EML5: variants seen among roughly 807,000 people sequenced by gnomAD.
EML5 encodes the protein echinoderm microtubule-associated protein-like 5.
Under a neutral mutation model 250.0 loss-of-function variants are expected in EML5, and 120 were observed. That is an observed-to-expected ratio of 0.48 (90% confidence interval 0.41 to 0.56). The LOEUF is 0.56. Ranked by LOEUF, EML5 falls within the 20% of genes least tolerant of loss-of-function variation. The pLI is 0.00. For synonymous variants in EML5, 771 were observed against 806.5 expected (o/e 0.96, Z 0.75); for missense variants, 2,006 against 2,437.6 (o/e 0.82, Z 3.73).
In EML5 at chr14:88,654,328, A is replaced by G. The variant is rs149451907; in HGVS notation, c.4004+3048T>C. ...TTTCTTGTCTTCTACTAGCTTTTGA[A>G]TTTGTTTGCTCTTGCTTCTCTAGTT... On this transcript the variant is annotated intron_variant, in intron 27 of 43. Transcript: ENST00000554922. 2.9e-3 allele frequency among the ~76,000 whole-genome samples: 446 copies of G among 151,980 alleles called. 3 individuals are homozygous for G. The highest frequency in any genetic ancestry group is 0.01 in the African/African-American group (432 of 41,452).
Position 88,625,146 on chromosome 14 carries a change from G to C in EML5, c.4741-19C>G. 6.2e-7 allele frequency: 1 copy of C among 1,611,992 alleles called. No homozygotes were observed. Among genetic ancestry groups the C allele is most frequent in the South Asian group, 1.1e-5 (1 of 90,692 alleles). On this transcript the variant is annotated intron_variant, in intron 35 of 43. Coordinates refer to ENST00000554922, the MANE Select transcript of EML5 (RefSeq NM_183387.3). ...AGTTATTCTGAAAAGGAGTGGGGGA[G>C]GGGGAGACAAACTCATCAAAAGTTC...
Position 88,620,669 on chromosome 14 carries a change from T to G in EML5, c.5375+85A>C. ...AATGCTACAGGCCCTGGGGACCTCT[T>G]TTTGAAGGCAAGGCTATGGAAAATT... On this transcript the variant is annotated intron_variant, in intron 39 of 43. Transcript: ENST00000554922. The surrounding 1 kb of genome is among the most constrained non-coding windows in gnomAD (Gnocchi z 4.3). 1 of 1,246,910 alleles carries G rather than the reference T, an allele frequency of 8.0e-7. No homozygotes were observed. The allele number at this position is 1,246,910 out of a possible 1,614,324, so 77.2% of individuals were successfully genotyped here. A position where few individuals can be genotyped will look rare whatever the true frequency, so the allele number is the denominator to read the frequency against.
intron 1 of EML5, among the ~76,000 whole-genome samples, chr14:88,763,452 CAGGAAGA>C (rs925414068): frequency 6.6e-6 from 1 of 151,922 alleles, no homozygotes; most frequent in Non-Finnish European, 1.5e-5. Flanking sequence ...AAGACTAAAC[CAGGAAGA>C]AGTCGAATCC....
intron 21 of EML5, among the ~76,000 whole-genome samples, chr14:88,678,450 A>C (rs1450036731): frequency 6.6e-6 from 1 of 152,116 alleles, no homozygotes; most frequent in African/African-American, 2.4e-5. Context: ...AATAACATAA[A>C]ATAAAAAAAA....
At chr14:88,664,656 C>T in intron 22 of EML5, 32 bp from the exon 23 acceptor site, 1 of 1,591,606 alleles carries the variant, frequency 6.3e-7, no homozygotes. Context: ...TTGACATTTT[C>T]TATCTTTGGA....
At chr14:88,694,453 C>A in intron 16 of EML5, 46 bp from the exon 17 acceptor site, 1 of 1,290,772 alleles carries the variant, frequency 7.7e-7, no homozygotes, top group East Asian at 2.5e-5. Context: ...TTCATCATTC[C>A]TGTATTAATC....
chr14:88,625,290 G>GCTTTGTCA (rs2089752125), intron 35 of EML5, 163 bp from the exon 36 acceptor site: 3 of 722,084 alleles, frequency 4.2e-6, no homozygotes, highest in Non-Finnish European at 6.5e-6. Flanking sequence ...AAACCTGAAC[G>GCTTTGTCA]GGAGGCTTAG....
chr14:88,731,861 T>G (rs1388383771), intron 7 of EML5, among the ~76,000 whole-genome samples: 5 of 152,356 alleles, frequency 3.3e-5, no homozygotes, highest in South Asian at 4.1e-4. Context: ...GCTGCATAAA[T>G]GTCTTCTTTT....
At chr14:88,711,309 T>A (rs1000201425) in intron 10 of EML5, among the ~76,000 whole-genome samples, 1 of 149,486 alleles carries the variant, frequency 6.7e-6, no homozygotes, top group Non-Finnish European at 1.5e-5. Flanking sequence ...ATGGGGGCAG[T>A]TTCCCCCATG....
At position 88,705,580 on chromosome 14, in the gene EML5, C is replaced by T. The variant is rs759526926; in HGVS notation, c.1834G>A (p.Ala612Thr). The stretch of plus-strand genomic sequence containing the variant: ...TCTGATTCATCACTATGAGAGTCAG[C>T]CAGACTTTCTGTAATTTTTAAAAAT... Reference protein sequence around the residue: ...AVHIAPQESLADSHSDESDSD... With the variant: ...AVHIAPQESLTDSHSDESDSD... The change falls in exon 12 of 44, where the codon GCT becomes ACT. Residue 612 changes from alanine to threonine, a missense_variant. Around this residue, in one of 7 missense-constraint regions of EML5, gnomAD observed 1,375 missense variants for 1,590.3 expected, o/e 0.86. Transcript: ENST00000554922. 1.5e-5 allele frequency: 23 copies of T among 1,583,974 alleles called. No individual in the cohort carries two copies. Among genetic ancestry groups the T allele is most frequent in the Admixed American group, 1.1e-4 (6 of 56,460 alleles).
intron 27 of EML5, among the ~76,000 whole-genome samples, chr14:88,653,498 A>G (rs2091732340): frequency 6.6e-6 from 1 of 152,206 alleles, no homozygotes; most frequent in South Asian, 2.1e-4. Flanking sequence ...GAGAGTTTTT[A>G]GCATGAAGGG....
chr14:88,773,427 T>C (rs1213639352), intron 1 of EML5, among the ~76,000 whole-genome samples: 1 of 152,142 alleles, frequency 6.6e-6, no homozygotes, highest in East Asian at 1.9e-4. Flanking sequence ...CCAAAGTATT[T>C]AAGGAGGTCC....
intron 28 of EML5, among the ~76,000 whole-genome samples, chr14:88,648,254 C>T (rs1366843482): frequency 1.3e-5 from 2 of 152,072 alleles, no homozygotes; most frequent in African/African-American, 4.8e-5. Context: ...ATAAATACTG[C>T]TTGTGACAGG....
intron 1 of EML5, among the ~76,000 whole-genome samples, chr14:88,783,239 G>C (rs774404537): frequency 1.8e-4 from 27 of 152,230 alleles, no homozygotes; most frequent in Admixed American, 3.9e-4. Flanking sequence ...TGTGGGGTTG[G>C]ATCCCCTACA....
intron 20 of EML5, among the ~76,000 whole-genome samples, chr14:88,684,581 A>G (rs893937792): frequency 1.3e-5 from 2 of 151,818 alleles, no homozygotes; most frequent in African/African-American, 4.8e-5. Context: ...AGAGTTTCAG[A>G]GAAAAATAAT....
chr14:88,777,425 T>C (rs550088062), intron 1 of EML5, among the ~76,000 whole-genome samples: 1 of 152,274 alleles, frequency 6.6e-6, no homozygotes, highest in East Asian at 1.9e-4. Context: ...CTACAAGAAA[T>C]GCTAAAGGAA....
intron 17 of EML5, among the ~76,000 whole-genome samples, chr14:88,691,892 T>C (rs1324982402): frequency 6.6e-6 from 1 of 152,206 alleles, no homozygotes; most frequent in African/African-American, 2.4e-5. Flanking sequence ...ATACGTCTAA[T>C]CAAACTTAAG....
chr14:88,656,730 A>T (rs2140890731), intron 27 of EML5, among the ~76,000 whole-genome samples: 1 of 137,152 alleles, frequency 7.3e-6, no homozygotes, highest in African/African-American at 3.1e-5. Flanking sequence ...GCCTTTTTAG[A>T]AAATTTTTGA....
Position 88,743,536 on chromosome 14 carries a change from A to T in EML5, c.525+487T>A, listed in dbSNP as rs563216600. Among the ~76,000 whole-genome samples the T allele has an allele frequency of 1.1e-4, 16 of 152,196 alleles. No individual in the cohort carries two copies. The East Asian group carries it at 1.5e-3, about 15-fold the overall frequency. ...TACACTGCCGCCTTATTTAATCATC[A>T]ATTCTTTGAGGATGGTAACAGCAGT... On this transcript the variant is annotated intron_variant, in intron 4 of 43. Coordinates refer to ENST00000554922, the MANE Select transcript of EML5 (RefSeq NM_183387.3).
Sources: allele counts gnomAD v4.1 joint callset (sites outside exome capture counted in the v4.1 genomes callset), GRCh38; gene constraint gnomAD v4.1.1; regional missense constraint gnomAD v4.1.1; non-coding constraint Gnocchi (gnomAD v3.1); transcripts MANE v1.5; gene names NCBI Gene and HGNC (gene_info 2026-07-23, HGNC 2026-07-21).